The following MDN1 variants were observed in gnomAD, a reference collection of about 807,000 sequenced individuals.
The protein encoded by MDN1 is midasin.
A neutral mutation model predicts 669.2 loss-of-function variants in MDN1; 266 were observed. The ratio of observed to expected loss-of-function variants is 0.40; its 90% confidence interval spans 0.36 to 0.44. MDN1 has a LOEUF of 0.44. Among genes scored for constraint, MDN1 ranks in the 20% least tolerant of loss-of-function variants. The pLI, the probability that MDN1 is intolerant of heterozygous loss-of-function variation, is 1.00. For synonymous variants in MDN1, 2,385 were observed against 2,457.1 expected (o/e 0.97, Z 0.87); for missense variants, 5,940 against 6,754.0 (o/e 0.88, Z 4.22).
chr6:89,749,158 A>G, intron 26 of MDN1, 65 bp downstream of exon 26: 1 of 1,430,424 alleles, frequency 7.0e-7, no homozygotes. Flanking sequence ...CTTTTTTCTA[A>G]CAAAAGAAGC....
intron 22 of MDN1, among the ~76,000 whole-genome samples, chr6:89,753,245 C>T (rs945920446): frequency 6.6e-6 from 1 of 151,988 alleles, no homozygotes; most frequent in Non-Finnish European, 1.5e-5. Flanking sequence ...TCAACATATA[C>T]ATATCAAAAT....
rs1277538286 is a variant in MDN1, at chr6:89,819,727, T to A, written c.-120A>T. On this transcript the variant is annotated 5_prime_UTR_variant, in exon 1 of 102. Coordinates refer to ENST00000369393, the MANE Select transcript of MDN1 (RefSeq NM_014611.3). The stretch of plus-strand genomic sequence containing the variant: ...AACTACGCCCGCAGGAAAGGCGTCC[T>A]CAGCTCCAGCGCCTACACCGGGAGA... The A allele has an allele frequency of 2.6e-6, 2 of 768,004 alleles. No homozygotes were observed. The highest frequency in any genetic ancestry group is 4.4e-6 in the Non-Finnish European group (2 of 452,848). 47.6% of individuals were successfully genotyped at this position (768,004 alleles called of 1,614,324 possible).
At chr6:89,735,881 G>A (rs188644425) in intron 33 of MDN1, among the ~76,000 whole-genome samples, 8 of 152,226 alleles carry the variant, frequency 5.3e-5, no homozygotes, top group South Asian at 2.1e-4. Context: ...TTAGCTGGGC[G>A]TTGTGGCACA....
At chr6:89,765,267 AC>A (rs565172734) in intron 15 of MDN1, among the ~76,000 whole-genome samples, 2,430 of 152,104 alleles carry the variant, frequency 0.016, 22 homozygotes, top group Non-Finnish European at 0.019. Flanking sequence ...ACACACACAC[AC>A]ACAAAAAATT....
intron 37 of MDN1, 54 bp from the exon 38 acceptor site, chr6:89,725,450 C>A: frequency 7.7e-6 from 11 of 1,425,978 alleles, no homozygotes; most frequent in Admixed American, 5.3e-5. Flanking sequence ...ACAACTGCAA[C>A]AAAAAGCAGG....
Position 89,758,255 on chromosome 6 carries a change from C to A in MDN1, c.2702G>T (p.Arg901Met). The A allele has an allele frequency of 1.2e-6, 2 of 1,605,086 alleles. No individual in the cohort carries two copies. The highest frequency in any genetic ancestry group is 1.7e-6 in the Non-Finnish European group (2 of 1,174,136). ...AAGTCTCCAAGAACCAAACCCTCACCTGTTTCTTATTCCTGGTGGGAGATT... is the reference window on the plus strand; with the variant it reads ...AAGTCTCCAAGAACCAAACCCTCACATGTTTCTTATTCCTGGTGGGAGATT... The part of the protein sequence containing the change: ...KRNLPPGIRN[R>M]FTELYVEELE... Residue 901 changes from arginine to methionine, a missense_variant and splice_region_variant, in exon 19 of 102, where the codon AGG (arginine) becomes ATG (methionine). By Grantham distance (91) the Arg-to-Met change is moderately conservative (BLOSUM62 -1). Transcript: ENST00000369393.
At chr6:89,818,758 G>A (rs1374672346) in intron 1 of MDN1, among the ~76,000 whole-genome samples, 4 of 151,226 alleles carry the variant, frequency 2.6e-5, no homozygotes, top group African/African-American at 2.4e-5. Flanking sequence ...GCAGTAAGCC[G>A]AGATCGCGCC....
chr6:89,811,316 TA>T (rs573731989), intron 1 of MDN1, among the ~76,000 whole-genome samples: 178 of 152,298 alleles, frequency 1.2e-3, no homozygotes, highest in Admixed American at 3.1e-3. Flanking sequence ...GAAAACTACA[TA>T]ATCAGTTTTC....
chr6:89,741,819 G>A (rs778370289), intron 31 of MDN1, among the ~76,000 whole-genome samples: 2 of 151,936 alleles, frequency 1.3e-5, no homozygotes, highest in South Asian at 2.1e-4. Flanking sequence ...CCCTAGCCTC[G>A]GCCGGGCACA....
chr6:89,780,616 G>T (rs980736762), intron 10 of MDN1, among the ~76,000 whole-genome samples: 3 of 149,360 alleles, frequency 2.0e-5, no homozygotes, highest in Non-Finnish European at 4.4e-5. Context: ...CAACCAATCA[G>T]ATCAGAATGA....
chr6:89,768,842 G>A (rs1000078267), intron 15 of MDN1, among the ~76,000 whole-genome samples: 6 of 152,128 alleles, frequency 3.9e-5, no homozygotes, highest in African/African-American at 7.2e-5. Flanking sequence ...GATTCCTTGA[G>A]TTCAGAAGTT....
intron 29 of MDN1, among the ~76,000 whole-genome samples, chr6:89,745,008 C>T (rs768812881): frequency 6.8e-6 from 1 of 146,872 alleles, no homozygotes; most frequent in Admixed American, 6.9e-5. Flanking sequence ...GCAGAATGTG[C>T]AGGCTTATTA....
chr6:89,707,755 T>C (rs997885181), intron 51 of MDN1, among the ~76,000 whole-genome samples: 2 of 152,188 alleles, frequency 1.3e-5, no homozygotes, highest in Admixed American at 6.5e-5. Context: ...AAAGTGGCCA[T>C]GGTAGAAATG....
intron 1 of MDN1, chr6:89,815,117 G>A (rs1370967552): frequency 1.2e-5 from 5 of 404,054 alleles, no homozygotes; most frequent in South Asian, 6.2e-5. Flanking sequence ...GTATGGAGCT[G>A]CCCCTGACCA....
intron 92 of MDN1, among the ~76,000 whole-genome samples, chr6:89,654,678 G>A (rs549552376): frequency 2.8e-4 from 43 of 152,202 alleles, no homozygotes; most frequent in African/African-American, 1.0e-3. Context: ...GGGCTATAGG[G>A]TGACTCTAAC....
At chr6:89,766,398 C>T (rs1817802924) in intron 15 of MDN1, among the ~76,000 whole-genome samples, 1 of 151,108 alleles carries the variant, frequency 6.6e-6, no homozygotes, top group South Asian at 2.1e-4. Flanking sequence ...GATGAAAAAA[C>T]ATACATTTCA....
chr6:89,664,748 GA>G, intron 84 of MDN1, 120 bp from the exon 85 acceptor site: 1 of 733,296 alleles, frequency 1.4e-6, no homozygotes, highest in African/African-American at 1.8e-5. Context: ...AAAAAAAAGA[GA>G]AACAACAGAG....
chr6:89,726,483 A>AAAAAAAAAAAAAAAAAAG (rs1491467845), intron 37 of MDN1, among the ~76,000 whole-genome samples: 1 of 93,222 alleles, frequency 1.1e-5, no homozygotes, highest in Non-Finnish European at 2.3e-5. Flanking sequence ...AGAAAAATAG[A>AAAAAAAAAAAAAAAAAAG]AAAAAAAAAA....
chr6:89,725,058 A>G (rs935505447), intron 38 of MDN1, 141 bp downstream of exon 38: 4 of 741,532 alleles, frequency 5.4e-6, no homozygotes, highest in Non-Finnish European at 8.8e-6. Flanking sequence ...TCACATTAAT[A>G]TTGATCATAT....
Sources: gnomAD v4.1 joint callset for allele counts (sites outside exome capture counted in the v4.1 genomes callset) on GRCh38, gnomAD v4.1.1 for gene constraint, MANE v1.5 for transcripts, NCBI Gene and HGNC (gene_info 2026-07-23, HGNC 2026-07-21) for gene names.